The following MCM7 variants were observed in gnomAD, a reference collection of about 807,000 sequenced individuals.
The protein encoded by MCM7 is minichromosome maintenance complex component 7.
In MCM7, 95 loss-of-function variants were observed where a neutral mutation model predicts 83.5. The observed-to-expected ratio is 1.14, with a 90% CI of 0.96 to 1.35. The LOEUF is 1.35. MCM7 is among the 40% of genes most tolerant of loss of function. The pLI is 0.00. For missense variants in MCM7, 1,087 were observed against 957.4 expected, an observed-to-expected ratio of 1.14 and a Z score of -1.79; for synonymous variants, 461 against 352.7, an observed-to-expected ratio of 1.31 and a Z score of -3.44.
chr7:100,094,076 C>A (rs778782907), intron 13 of MCM7, 97 bp downstream of exon 13: 1 of 1,484,548 alleles, frequency 6.7e-7, no homozygotes, highest in East Asian at 2.3e-5. Flanking sequence ...CCCGGCAGGG[C>A]TGGAGCGGGA....
rs936528448 is a variant in MCM7 at position 100,097,599 on chromosome 7, C to T, written c.1117+15G>A. 7.4e-6 allele frequency: 12 copies of T among 1,613,146 alleles called. No individual in the cohort carries two copies. Among genetic ancestry groups the T allele is most frequent in the African/African-American group, 1.3e-5 (1 of 74,886 alleles). ...GACTTCATCCACCCTGAGCCTCTCC[C>T]TTGTTTCTTCTTACCCCGGATTTTC... On this transcript the variant is annotated intron_variant, in intron 9 of 14. Transcript: ENST00000303887.
intron 7 of MCM7, 70 bp from the exon 8 acceptor site, chr7:100,098,018 T>C: frequency 6.3e-7 from 1 of 1,583,952 alleles, no homozygotes; most frequent in Non-Finnish European, 8.7e-7. Flanking sequence ...TCCCTAACAA[T>C]TTCTTGACAA....
intron 3 of MCM7, 27 bp downstream of exon 3, chr7:100,099,562 G>C (rs1407327909): frequency 6.2e-7 from 1 of 1,610,574 alleles, no homozygotes; most frequent in East Asian, 2.2e-5. Flanking sequence ...CTCGCCCTTT[G>C]TTTGCCATTG....
Position 100,097,935 on chromosome 7 carries a change from T to G in MCM7, c.884A>C (p.Glu295Ala), listed in dbSNP as rs763751375. Residue 295 changes from glutamate (E) to alanine (A), a missense_variant, in exon 8 of 15, where the codon GAA (glutamate) becomes GCA (alanine). Glu to Ala is a moderately radical substitution (Grantham distance 107, BLOSUM62 -1). Coordinates refer to ENST00000303887, the MANE Select transcript of MCM7 (RefSeq NM_005916.5). ...AATCCGATGGGCTTCCAGGTAGGTTTCTGAGAGTAAACCCTTGGGCAGGAA... is the reference window on the plus strand; with the variant it reads ...AATCCGATGGGCTTCCAGGTAGGTTGCTGAGAGTAAACCCTTGGGCAGGAA... Reference protein sequence around the residue: ...FRQVVQGLLSETYLEAHRIVK... With the variant: ...FRQVVQGLLSATYLEAHRIVK... 7 of 1,614,222 alleles carry G rather than the reference T, an allele frequency of 4.3e-6. No individual in the cohort carries two copies. Among genetic ancestry groups the G allele is most frequent in the Admixed American group, 1.7e-5 (1 of 60,020 alleles).
intron 11 of MCM7, 41 bp downstream of exon 11, chr7:100,095,733 C>A (rs1795594104): frequency 1.3e-6 from 2 of 1,532,748 alleles, no homozygotes; most frequent in South Asian, 1.2e-5. Flanking sequence ...CTACACAGAT[C>A]ATTACAGGGG....
chr7:100,099,531 T>C, intron 3 of MCM7, 58 bp downstream of exon 3: 1 of 1,599,300 alleles, frequency 6.3e-7, no homozygotes, highest in Non-Finnish European at 8.5e-7. Context: ...CTGAGCAGCC[T>C]CTCTACAGAA....
Position 100,094,660 on chromosome 7 carries a change from A to G in MCM7, c.1680-319T>C, listed in dbSNP as rs146645751. The stretch of plus-strand genomic sequence containing the variant: ...CTGAGCGCATGACATGGCAAAACAT[A>G]TATTTTATTTAAAGAGAACTGTTTA... On this transcript the variant is annotated intron_variant, in intron 12 of 14. Coordinates refer to ENST00000303887, the MANE Select transcript of MCM7 (RefSeq NM_005916.5). Among the ~76,000 whole-genome samples, 18 of 152,270 alleles carry G rather than the reference A, an allele frequency of 1.2e-4. 1 individual carries two copies. The highest frequency in any genetic ancestry group is 3.9e-4 in the East Asian group (2 of 5,190).
At chr7:100,094,478 A>G in intron 12 of MCM7, 137 bp from the exon 13 acceptor site, 1 of 924,000 alleles carries the variant, frequency 1.1e-6, no homozygotes, top group Admixed American at 2.4e-5. Flanking sequence ...AACACAAATT[A>G]GTGGGTGATT....
At position 100,093,467 on chromosome 7, in the gene MCM7, C is replaced by A. The variant is rs1343032582; in HGVS notation, c.1849-66G>T. ...GGCAGTGGAACGAGGTCAGGGGACA[C>A]CCTTGTTCTGGCTTTAAGGCTGGGC... On this transcript the variant is annotated intron_variant, in intron 13 of 14. Transcript: ENST00000303887. The A allele has an allele frequency of 3.3e-5, 48 of 1,447,374 alleles. 1 individual carries two copies. In the South Asian group the frequency reaches 5.1e-4, roughly 15 times the overall value. 89.7% of individuals were successfully genotyped at this position (1,447,374 alleles called of 1,614,324 possible).
chr7:100,100,764 A>C (rs546935490), intron 1 of MCM7: 2 of 992,082 alleles, frequency 2.0e-6, no homozygotes, highest in East Asian at 1.1e-4. Flanking sequence ...CACTCCCTCC[A>C]GCCTCCTCGC....
At chr7:100,095,661 A>G in intron 11 of MCM7, 113 bp downstream of exon 11, 1 of 1,425,896 alleles carries the variant, frequency 7.0e-7, no homozygotes, top group South Asian at 1.4e-5. Context: ...CCTGCTGCAA[A>G]GGGGAGGCTC....
At position 100,101,306 on chromosome 7, in the gene MCM7, G is replaced by A; in HGVS notation, c.-12C>T. ...TCCTTCAGTGCCATCGCTGCCGAGG[G>A]CCGTGCGGCCGCGCTTGGCGGGCTC... On this transcript the variant is annotated 5_prime_UTR_variant, in exon 1 of 15. Coordinates refer to ENST00000303887, the MANE Select transcript of MCM7 (RefSeq NM_005916.5). 2 of 1,613,166 alleles carry A rather than the reference G, an allele frequency of 1.2e-6. No individual in the cohort carries two copies. The highest frequency in any genetic ancestry group is 2.2e-5 in the East Asian group (1 of 44,880).
At position 100,100,968 on chromosome 7, in the gene MCM7, G is replaced by A. The variant is rs541220836; in HGVS notation, c.31+296C>T. ...GCCCTTAAGACTCTCCTGAGGTCCT[G>A]GGCGCGACTTTTCCCTGTGCAGCCC... On this transcript the variant is annotated intron_variant, in intron 1 of 14. Coordinates refer to ENST00000303887, the MANE Select transcript of MCM7 (RefSeq NM_005916.5). 1.2e-4 allele frequency: 121 copies of A among 1,008,932 alleles called. No homozygotes were observed. In the African/African-American group the frequency reaches 1.8e-3, roughly 15 times the overall value. 62.5% of individuals were successfully genotyped at this position (1,008,932 alleles called of 1,614,324 possible).
chr7:100,094,350 G>T lies in MCM7; in HGVS notation c.1680-9C>A. Reference sequence around the variant, plus strand: ...ACATGGCTATGTAACGCCTGTGGGGGAAGGTTCATGGGGAAGCAGAAGAGG... The same window carrying T: ...ACATGGCTATGTAACGCCTGTGGGGTAAGGTTCATGGGGAAGCAGAAGAGG... On this transcript the variant is annotated splice_polypyrimidine_tract_variant and intron_variant, in intron 12 of 14. Coordinates refer to ENST00000303887, the MANE Select transcript of MCM7 (RefSeq NM_005916.5). The T allele has an allele frequency of 6.2e-7, 1 of 1,613,830 alleles. No homozygotes were observed. Among genetic ancestry groups the T allele is most frequent in the Non-Finnish European group, 8.5e-7 (1 of 1,179,982 alleles).
In MCM7 at chr7:100,098,173, T is replaced by C. The variant is rs1449555296; in HGVS notation, c.838A>G (p.Ile280Val). Reference protein sequence around the residue: ...HVSVTGIFLPILRTGFRQVVQ... With the variant: ...HVSVTGIFLPVLRTGFRQVVQ... ...ACCTGTCGGAACCCAGTGCGCAGGATTGGCAAGAAAATACCAGTGACGCTG... is the reference window on the plus strand; with the variant it reads ...ACCTGTCGGAACCCAGTGCGCAGGACTGGCAAGAAAATACCAGTGACGCTG... Residue 280 changes from isoleucine (I) to valine (V), a missense_variant, in exon 7 of 15, where the codon ATC becomes GTC. Physicochemically the swap from Ile to Val is conservative, Grantham distance 29. Transcript: ENST00000303887. The C allele has an allele frequency of 2.2e-5, 36 of 1,614,168 alleles. No homozygotes were observed. Among genetic ancestry groups the C allele is most frequent in the Non-Finnish European group, 2.7e-5 (32 of 1,180,012 alleles).
chr7:100,097,899 T>G lies in MCM7; in HGVS notation c.920A>C (p.Asn307Thr), dbSNP rs1380555513. The G allele has an allele frequency of 3.1e-6, 5 of 1,614,068 alleles. No individual in the cohort carries two copies. The highest frequency in any genetic ancestry group is 8.5e-7 in the Non-Finnish European group (1 of 1,180,046). ...YLEAHRIVKM[N>T]KSEDDESGAG... The stretch of plus-strand genomic sequence containing the variant: ...CCCAGACTCATCATCCTCACTCTTG[T>G]TCATCTTCACAATCCGATGGGCTTC... The change falls in exon 8 of 15, where the codon AAC becomes ACC. Residue 307 changes from asparagine (N) to threonine (T), a missense_variant. Physicochemically the swap from Asn to Thr is moderately conservative, Grantham distance 65. Coordinates refer to ENST00000303887, the MANE Select transcript of MCM7 (RefSeq NM_005916.5).
At position 100,099,576 on chromosome 7, in the gene MCM7, T is replaced by C. The variant is rs1245694397; in HGVS notation, c.276+13A>G. On this transcript the variant is annotated intron_variant, in intron 3 of 14. Transcript: ENST00000303887. ...CCTCGCCCTTTGTTTGCCATTGTTC[T>C]CTAACCACTCACTTCCCTCTCCTTG... is the stretch of plus-strand genomic sequence containing the variant. The C allele has an allele frequency of 6.2e-7, 1 of 1,613,318 alleles. No individual in the cohort carries two copies. Among genetic ancestry groups the C allele is most frequent in the Non-Finnish European group, 8.5e-7 (1 of 1,179,742 alleles).
intron 7 of MCM7, 58 bp from the exon 8 acceptor site, chr7:100,098,006 A>G: frequency 6.3e-7 from 1 of 1,586,664 alleles, no homozygotes; most frequent in Non-Finnish European, 8.6e-7. Flanking sequence ...CCATCACTGG[A>G]TTCCCTAACA....
chr7:100,097,666 C>A lies in MCM7; in HGVS notation c.1065G>T (p.Leu355=), dbSNP rs1031814507. 1.2e-6 allele frequency: 2 copies of A among 1,614,232 alleles called. No individual in the cohort carries two copies. The highest frequency in any genetic ancestry group is 1.7e-6 in the Non-Finnish European group (2 of 1,180,046). ...GGTCCACACCCCCGACTAGCAGGAG[C>A]AGCAGTGCCTTCTTCACATCTTCAT... ...YGHEDVKKAL[L]LLLVGGVDQS... is the part of the protein sequence containing the mutation. Residue 355 remains leucine, a synonymous_variant, in exon 9 of 15, where the codon CTG becomes CTT. Coordinates refer to ENST00000303887, the MANE Select transcript of MCM7 (RefSeq NM_005916.5).
Sources: allele counts gnomAD v4.1 joint callset (sites outside exome capture counted in the v4.1 genomes callset), GRCh38; gene constraint gnomAD v4.1.1; transcripts MANE v1.5; gene names NCBI Gene and HGNC (gene_info 2026-07-23, HGNC 2026-07-21).